CLOCK: variants seen among roughly 807,000 people sequenced by gnomAD.
The protein encoded by CLOCK is circadian locomoter output cycles protein kaput.
A neutral mutation model predicts 118.4 loss-of-function variants in CLOCK; 43 were observed. That is an observed-to-expected ratio of 0.36 (90% confidence interval 0.28 to 0.47). CLOCK has a LOEUF of 0.47. Among genes scored for constraint, CLOCK ranks in the 20% least tolerant of loss-of-function variants. The pLI is 1.00. For missense variants in CLOCK, 846 were observed against 999.9 expected, an observed-to-expected ratio of 0.85 and a Z score of 2.08; for synonymous variants, 326 against 339.2, an observed-to-expected ratio of 0.96 and a Z score of 0.43.
chr4:55,435,958 G>C (rs1246341273), intron 22 of CLOCK, among the ~76,000 whole-genome samples: 1 of 152,126 alleles, frequency 6.6e-6, no homozygotes, highest in Non-Finnish European at 1.5e-5. Context: ...AATACTCTGA[G>C]GCCAGACAGA....
chr4:55,536,789 G>A (rs551449602), intron 1 of CLOCK, among the ~76,000 whole-genome samples: 154 of 151,158 alleles, frequency 1.0e-3, no homozygotes, highest in African/African-American at 3.0e-3. Context: ...CTCCCAACCC[G>A]GCAAAATGTA....
At chr4:55,454,770 C>T (rs772056500) in intron 13 of CLOCK, among the ~76,000 whole-genome samples, 1 of 152,164 alleles carries the variant, frequency 6.6e-6, no homozygotes. Context: ...TCTTCCTTGA[C>T]TATAAAGTCT....
chr4:55,460,290 A>G (rs1725235094), intron 9 of CLOCK, among the ~76,000 whole-genome samples: 1 of 152,200 alleles, frequency 6.6e-6, no homozygotes, highest in South Asian at 2.1e-4. Flanking sequence ...GGGTTTTCAC[A>G]AAGGTTCTTC....
At chr4:55,445,497 A>G (rs1027275337) in intron 18 of CLOCK, among the ~76,000 whole-genome samples, 2 of 148,474 alleles carry the variant, frequency 1.3e-5, no homozygotes, top group African/African-American at 5.0e-5. Context: ...GCTTGTGGGG[A>G]GTCTTCTAAG....
chr4:55,516,151 C>T (rs375135379), intron 1 of CLOCK, among the ~76,000 whole-genome samples: 4 of 152,084 alleles, frequency 2.6e-5, no homozygotes, highest in African/African-American at 9.7e-5. Context: ...TCCATGTAGG[C>T]TTGAGAAGAA....
In CLOCK at chr4:55,441,856, T is replaced by C. The variant is rs571234700; in HGVS notation, c.2105+576A>G. Among the ~76,000 whole-genome samples, 3 of 152,322 alleles carry C rather than the reference T, an allele frequency of 2.0e-5. No individual in the cohort carries two copies. The East Asian group carries it at 5.8e-4, about 29-fold the overall frequency. ...GTCCACAAAACCTTCCTGTAATATA[T>C]GCTTAAGCACTCAAGCACTGAAATG... On this transcript the variant is annotated intron_variant, in intron 21 of 22. Coordinates refer to ENST00000513440, the MANE Select transcript of CLOCK (RefSeq NM_004898.4).
At chr4:55,474,954 G>C (rs1726401387) in intron 7 of CLOCK, among the ~76,000 whole-genome samples, 1 of 152,158 alleles carries the variant, frequency 6.6e-6, no homozygotes. Flanking sequence ...TGCAGCCCAT[G>C]GGTCAAGGAA....
intron 1 of CLOCK, among the ~76,000 whole-genome samples, chr4:55,524,935 A>T (rs908343831): frequency 3.1e-5 from 2 of 64,790 alleles, no homozygotes; most frequent in African/African-American, 1.2e-4. Flanking sequence ...CAAAAATCTT[A>T]AAAAAAAAAA....
At chr4:55,450,360 A>G (rs1724321424) in intron 15 of CLOCK, 128 bp from the exon 16 acceptor site, 3 of 990,410 alleles carry the variant, frequency 3.0e-6, no homozygotes, top group Admixed American at 3.7e-5. Flanking sequence ...CTGTATGTAC[A>G]TACACATGTA....
chr4:55,467,053 TG>T (rs1209531169), intron 8 of CLOCK, among the ~76,000 whole-genome samples: 19 of 152,188 alleles, frequency 1.2e-4, no homozygotes, highest in Non-Finnish European at 1.9e-4. Context: ...GGGAATTCTC[TG>T]TACTACCTTG....
At chr4:55,448,652 C>T (rs1724150426) in intron 18 of CLOCK, 127 bp downstream of exon 18, 3 of 620,534 alleles carry the variant, frequency 4.8e-6, no homozygotes. Flanking sequence ...GTGCTCCTAC[C>T]TCAGCCTCCC....
At chr4:55,488,637 G>A (rs1727469229) in intron 3 of CLOCK, among the ~76,000 whole-genome samples, 1 of 152,024 alleles carries the variant, frequency 6.6e-6, no homozygotes, top group South Asian at 2.1e-4. Flanking sequence ...CACACAGCTG[G>A]CTCCTTTTGC....
Position 55,471,378 on chromosome 4 carries a change from A to C in CLOCK, c.349-572T>G, listed in dbSNP as rs76338797. On this transcript the variant is annotated intron_variant, in intron 7 of 22. Coordinates refer to ENST00000513440, the MANE Select transcript of CLOCK (RefSeq NM_004898.4). Reference sequence around the variant, plus strand: ...TCCGTATACAATGGTAAGCCAACAGAAGATTTTAGGGCAGGGGGCTGTGCT... The same window carrying C: ...TCCGTATACAATGGTAAGCCAACAGCAGATTTTAGGGCAGGGGGCTGTGCT... 4.8e-3 allele frequency among the ~76,000 whole-genome samples: 738 copies of C among 152,316 alleles called. 1 individual carries two copies. Among genetic ancestry groups the C allele is most frequent in the Non-Finnish European group, 7.2e-3 (492 of 68,030 alleles).
In CLOCK at chr4:55,456,276, T is replaced by C. The variant is rs762624828; in HGVS notation, c.817A>G (p.Asn273Asp). Reference protein sequence around the residue: ...IKEMCTVEEPNEEFTSRHSLE... With the variant: ...IKEMCTVEEPDEEFTSRHSLE... ...CTATGTCTAGATGTAAACTCTTCAT[T>C]GGGTTCTTCAACAGTGCACATTTCC... is the stretch of plus-strand genomic sequence containing the variant. The change falls in exon 12 of 23, where the codon AAT becomes GAT. Residue 273 changes from asparagine (N) to aspartate (D), a missense_variant. Around this residue, in one of 4 missense-constraint regions of CLOCK, gnomAD observed 14 missense variants for 42.2 expected, o/e 0.33. Coordinates refer to ENST00000513440, the MANE Select transcript of CLOCK (RefSeq NM_004898.4). The C allele has an allele frequency of 6.2e-7, 1 of 1,600,972 alleles. No individual in the cohort carries two copies. Among genetic ancestry groups the C allele is most frequent in the African/African-American group, 1.3e-5 (1 of 74,728 alleles).
In CLOCK at chr4:55,518,320, G is replaced by A. The variant is rs116694937; in HGVS notation, c.-289-8255C>T. Among the ~76,000 whole-genome samples, 1,013 of 152,198 alleles carry A rather than the reference G, an allele frequency of 6.7e-3. 8 individuals carry two copies. Among genetic ancestry groups the A allele is most frequent in the African/African-American group, 0.023 (940 of 41,534 alleles). ...GGGGTAAATGCAGAGGAGAGAGGACGGGGAGAATTTATCTGACCAGTGCTA... is the reference window on the plus strand; with the variant it reads ...GGGGTAAATGCAGAGGAGAGAGGACAGGGAGAATTTATCTGACCAGTGCTA... On this transcript the variant is annotated intron_variant, in intron 1 of 22. Transcript: ENST00000513440.
intron 18 of CLOCK, among the ~76,000 whole-genome samples, chr4:55,445,843 A>C (rs759910098): frequency 3.3e-5 from 5 of 151,388 alleles, no homozygotes; most frequent in Admixed American, 6.6e-5. Context: ...AAGTCCTCCT[A>C]CTTCGGCCTT....
At chr4:55,507,092 C>T (rs1210960008) in intron 2 of CLOCK, among the ~76,000 whole-genome samples, 2 of 151,854 alleles carry the variant, frequency 1.3e-5, no homozygotes, top group African/African-American at 4.8e-5. Flanking sequence ...GGCAGAAGGA[C>T]CACTTAAGTC....
chr4:55,452,076 C>T (rs1400669495), intron 15 of CLOCK, among the ~76,000 whole-genome samples: 2 of 152,024 alleles, frequency 1.3e-5, no homozygotes, highest in East Asian at 3.9e-4. Context: ...TCTGACATGG[C>T]TCACAATTCC....
intron 10 of CLOCK, 48 bp downstream of exon 10, chr4:55,459,100 G>A (rs746731383): frequency 1.4e-6 from 2 of 1,481,270 alleles, no homozygotes; most frequent in Non-Finnish European, 9.4e-7. Context: ...TAAGAGCACA[G>A]AAAAATAACA....
Sources: gnomAD v4.1 joint callset for allele counts (sites outside exome capture counted in the v4.1 genomes callset) on GRCh38, gnomAD v4.1.1 for gene constraint, gnomAD v4.1.1 regional missense constraint, MANE v1.5 for transcripts, NCBI Gene and HGNC (gene_info 2026-07-23, HGNC 2026-07-21) for gene names.